The following GPM6A variants were observed in gnomAD, a reference collection of about 807,000 sequenced individuals.
GPM6A encodes the protein glycoprotein M6A.
A neutral mutation model predicts 32.1 loss-of-function variants in GPM6A; 7 were observed. That is an observed-to-expected ratio of 0.22 (90% CI 0.12 to 0.41). GPM6A has a LOEUF of 0.41. Ranked by LOEUF, GPM6A falls within the 10% of genes least tolerant of loss-of-function variation. GPM6A has a pLI of 1.00. For synonymous variants in GPM6A, 130 were observed against 123.4 expected, an observed-to-expected ratio of 1.05 and a Z score of -0.35; for missense variants, 235 against 347.2, an observed-to-expected ratio of 0.68 and a Z score of 2.57.
rs149315857 is a variant in GPM6A at position 175,967,716 on chromosome 4, A to C, written c.-23+34593T>G. On this transcript the variant is annotated intron_variant, in intron 1 of 7. Coordinates refer to the GPM6A transcript ENST00000280187. ...TACCTAGGTATAAATCTAACAAAATATACACAAGAACTATATGAAAAACTA... is the reference window on the plus strand; with the variant it reads ...TACCTAGGTATAAATCTAACAAAATCTACACAAGAACTATATGAAAAACTA... Among the ~76,000 whole-genome samples the C allele has an allele frequency of 4.5e-3, 683 of 152,310 alleles. 3 individuals carry two copies. The highest frequency in any genetic ancestry group is 0.015 in the African/African-American group (629 of 41,578).
At chr4:175,712,223 G>T (rs953017417) in intron 1 of GPM6A, among the ~76,000 whole-genome samples, 1 of 152,204 alleles carries the variant, frequency 6.6e-6, no homozygotes, top group South Asian at 2.1e-4. Flanking sequence ...TAGAGTTAAG[G>T]GCATGAGTCT....
chr4:175,714,238 T>C (rs544343377), intron 1 of GPM6A, among the ~76,000 whole-genome samples: 30 of 152,282 alleles, frequency 2.0e-4, no homozygotes, highest in African/African-American at 7.2e-4. Context: ...AACCAGGATA[T>C]GCATGTTAAT....
chr4:175,875,906 C>T (rs979372889), intron 1 of GPM6A, among the ~76,000 whole-genome samples: 10 of 152,192 alleles, frequency 6.6e-5, no homozygotes, highest in African/African-American at 2.4e-4. Context: ...GGTAGACTAA[C>T]CCTTGATGTA....
At chr4:175,785,623 A>G (rs551177856) in intron 1 of GPM6A, among the ~76,000 whole-genome samples, 3 of 152,324 alleles carry the variant, frequency 2.0e-5, no homozygotes, top group Admixed American at 1.3e-4. Flanking sequence ...ACTAAAGAAG[A>G]AACCCCTTTT....
At chr4:175,636,550 C>A (rs1051814332) in intron 6 of GPM6A, among the ~76,000 whole-genome samples, 4 of 150,394 alleles carry the variant, frequency 2.7e-5, no homozygotes, top group Non-Finnish European at 4.4e-5. Context: ...AATCCCAGCA[C>A]TTTGGGAGGC....
chr4:175,895,040 T>C (rs1374669018), intron 1 of GPM6A, among the ~76,000 whole-genome samples: 1 of 152,138 alleles, frequency 6.6e-6, no homozygotes, highest in Non-Finnish European at 1.5e-5. Flanking sequence ...TTACTTTGTG[T>C]TTCAGGGGAC....
chr4:175,855,601 T>C (rs1381901634), intron 1 of GPM6A, among the ~76,000 whole-genome samples: 2 of 152,174 alleles, frequency 1.3e-5, no homozygotes, highest in African/African-American at 4.8e-5. Flanking sequence ...GGGTAGAGGA[T>C]AACAATTCTA....
At chr4:175,656,126 G>T (rs1245810730) in intron 3 of GPM6A, among the ~76,000 whole-genome samples, 1 of 151,820 alleles carries the variant, frequency 6.6e-6, no homozygotes, top group Non-Finnish European at 1.5e-5. Flanking sequence ...CATTATTTAG[G>T]ATCACTCACA....
intron 1 of GPM6A, among the ~76,000 whole-genome samples, chr4:175,862,315 A>G (rs1422801649): frequency 6.6e-6 from 1 of 152,196 alleles, no homozygotes; most frequent in Non-Finnish European, 1.5e-5. Flanking sequence ...CTTTCCATCA[A>G]GGGTAACCGT....
In GPM6A at chr4:175,637,617, AATATATATTAT is replaced by A. The variant is rs1254973774; in HGVS notation, c.684+2501_684+2511del. ...ATATTATGTAAAATATATAATATAT[AATATATATTAT>A]ATATATATTATATATTATATAAAAT... is the stretch of plus-strand genomic sequence containing the variant. On this transcript the variant is annotated intron_variant, in intron 6 of 6. Coordinates refer to ENST00000393658, the MANE Select transcript of GPM6A (RefSeq NM_201591.3). Among the ~76,000 whole-genome samples the A allele has an allele frequency of 5.4e-3, 144 of 26,642 alleles. 5 individuals are homozygous for A. The South Asian group carries it at 0.15, about 27-fold the overall frequency. The allele number at this position is 26,642 out of a possible 152,430, so 17.5% of individuals were successfully genotyped here. A position where few individuals can be genotyped will look rare whatever the true frequency, so the allele number is the denominator to read the frequency against.
At chr4:175,745,683 G>C (rs1319655496) in intron 1 of GPM6A, among the ~76,000 whole-genome samples, 1 of 152,168 alleles carries the variant, frequency 6.6e-6, no homozygotes, top group East Asian at 1.9e-4. Context: ...ACTATGGAAA[G>C]ATAAGATTGG....
chr4:175,972,277 A>C (rs904028436), intron 1 of GPM6A, among the ~76,000 whole-genome samples: 4 of 152,260 alleles, frequency 2.6e-5, no homozygotes, highest in Admixed American at 2.0e-4. Flanking sequence ...ATTCCAGTGT[A>C]TCTATATAAA....
Position 175,634,899 on chromosome 4 carries a change from A to G in GPM6A, c.*6T>C, listed in dbSNP as rs2110855986. Reference sequence around the variant, plus strand: ...TTCAAATGGTAGAAAGAACAGGAAGATGCATTTATGTGTATGCATTGAGCC... The same window carrying G: ...TTCAAATGGTAGAAAGAACAGGAAGGTGCATTTATGTGTATGCATTGAGCC... On this transcript the variant is annotated 3_prime_UTR_variant, in exon 7 of 7. Transcript: ENST00000393658. The G allele has an allele frequency of 6.2e-7, 1 of 1,611,070 alleles. No individual in the cohort carries two copies.
At chr4:175,739,285 C>G (rs1027485140) in intron 1 of GPM6A, among the ~76,000 whole-genome samples, 1 of 151,928 alleles carries the variant, frequency 6.6e-6, no homozygotes, top group Admixed American at 6.6e-5. Context: ...GTATTTTTGC[C>G]GAAGAAATAT....
chr4:175,771,442 C>G (rs1348588032), intron 1 of GPM6A, among the ~76,000 whole-genome samples: 1 of 151,188 alleles, frequency 6.6e-6, no homozygotes, highest in Non-Finnish European at 1.5e-5. Flanking sequence ...CATGGTGGCA[C>G]TCGCCTGTGT....
chr4:175,776,857 T>C (rs541539123), intron 1 of GPM6A, among the ~76,000 whole-genome samples: 53 of 152,232 alleles, frequency 3.5e-4, no homozygotes, highest in African/African-American at 1.2e-3. Flanking sequence ...TACATTGAAA[T>C]GACGAAACCA....
At chr4:175,892,109 C>A (rs1277245826) in intron 1 of GPM6A, among the ~76,000 whole-genome samples, 1 of 152,158 alleles carries the variant, frequency 6.6e-6, no homozygotes, top group Admixed American at 6.5e-5. Flanking sequence ...CTTTTGGTAA[C>A]TAAAGCGAAC....
intron 1 of GPM6A, among the ~76,000 whole-genome samples, chr4:175,844,283 C>T (rs1413973944): frequency 6.6e-6 from 1 of 151,920 alleles, no homozygotes; most frequent in East Asian, 1.9e-4. Flanking sequence ...TGAACAAAAC[C>T]CTCACCTCAA....
chr4:175,673,728 GA>G lies in GPM6A; in HGVS notation c.338del (p.Leu113ProfsTer14). 1 of 1,612,572 alleles carries G rather than the reference GA, an allele frequency of 6.2e-7. No homozygotes were observed. The highest frequency in any genetic ancestry group is 8.5e-7 in the Non-Finnish European group (1 of 1,178,826). On this transcript the variant is annotated frameshift_variant, in exon 3 of 7. Transcript: ENST00000393658. LOFTEE classifies it high-confidence loss of function. ...GFFTTGAIKD[L>X]YGDFKITTCG... is the part of the protein sequence containing the mutation. ...AAGTGGTGATTTTGAAATCCCCATA[GA>G]GATCTTTGATGGCCCCAGTTGTGAA... is the stretch of plus-strand genomic sequence containing the variant.
Sources: gnomAD v4.1 joint callset for allele counts (sites outside exome capture counted in the v4.1 genomes callset) on GRCh38, gnomAD v4.1.1 for gene constraint, MANE v1.5 for transcripts, NCBI Gene and HGNC (gene_info 2026-07-23, HGNC 2026-07-21) for gene names.